The following HIP1 variants were observed in gnomAD, a reference collection of about 807,000 sequenced individuals.
HIP1 encodes huntingtin interacting protein 1.
A neutral mutation model predicts 147.6 loss-of-function variants in HIP1; 65 were observed. The ratio of observed to expected loss-of-function variants is 0.44; its 90% CI spans 0.36 to 0.54. HIP1 has a LOEUF of 0.54. Ranked by LOEUF, HIP1 falls within the 20% of genes least tolerant of loss-of-function variation. The probability of loss-of-function intolerance (pLI) is 0.00; values close to 1 mark genes in which losing one functional copy is unlikely to be tolerated. For missense variants in HIP1, 1,061 were observed against 1,299.6 expected (o/e 0.82, Z 2.82); for synonymous variants, 479 against 504.0 (o/e 0.95, Z 0.67).
chr7:75,719,950 G>T (rs4588797), intron 1 of HIP1, among the ~76,000 whole-genome samples: 45,580 of 151,830 alleles, frequency 0.3, 7,160 homozygotes, highest in East Asian at 0.47. Context: ...GAGTTATTTT[G>T]CCTTTTCTAA....
intron 23 of HIP1, 44 bp downstream of exon 23, chr7:75,548,847 G>T: frequency 7.3e-7 from 1 of 1,360,822 alleles, no homozygotes; most frequent in Non-Finnish European, 1.1e-6. Flanking sequence ...CAGAAGGGCA[G>T]CTGCAAAGGC....
chr7:75,572,885 G>A lies in HIP1; in HGVS notation c.745+876C>T, dbSNP rs146418466. 6.6e-5 allele frequency among the ~76,000 whole-genome samples: 10 copies of A among 152,282 alleles called. No individual in the cohort carries two copies. In the East Asian group the frequency reaches 1.9e-3, roughly 29 times the overall value. On this transcript the variant is annotated intron_variant, in intron 8 of 30. Transcript: ENST00000336926. ...GACTCAGGCATCCCTGTACTCTTCA[G>A]GGCCTGAGAAGGCTCTCCCTCCCCT...
intron 1 of HIP1, among the ~76,000 whole-genome samples, chr7:75,622,078 C>T (rs183416388): frequency 1.7e-4 from 26 of 151,702 alleles, no homozygotes; most frequent in Non-Finnish European, 2.8e-4. Context: ...GAGGCCAGTT[C>T]GAGACCAGCC....
chr7:75,597,759 T>TAAAAAACA (rs1554502231), intron 2 of HIP1, among the ~76,000 whole-genome samples: 1 of 44,120 alleles, frequency 2.3e-5, no homozygotes, highest in Non-Finnish European at 4.5e-5. Flanking sequence ...AAAAAAAAAG[T>TAAAAAACA]CCCAACTCTG....
At chr7:75,579,719 C>G (rs1401874397) in intron 7 of HIP1, among the ~76,000 whole-genome samples, 2 of 152,158 alleles carry the variant, frequency 1.3e-5, no homozygotes, top group African/African-American at 4.8e-5. Flanking sequence ...CAGTAGTAGG[C>G]ATTTCTGCAC....
At chr7:75,556,218 A>C (rs1554493303) in intron 17 of HIP1, 49 bp from the exon 18 acceptor site, 1 of 1,598,946 alleles carries the variant, frequency 6.3e-7, no homozygotes, top group Admixed American at 1.7e-5. Flanking sequence ...TGAGTTAAAC[A>C]GTCCCTACTT....
Position 75,556,055 on chromosome 7 carries a change from C to T in HIP1, c.1798G>A (p.Asp600Asn). The T allele has an allele frequency of 6.2e-7, 1 of 1,614,186 alleles. No homozygotes were observed. The highest frequency in any genetic ancestry group is 2.2e-5 in the East Asian group (1 of 44,878). ...ELSALRKELQ[D>N]TQLKLASTEE... ...GTGCTGGCCAGTTTGAGCTGAGTGT[C>T]CTGCAGTTCTTTCCGAAGAGCAGAT... Residue 600 changes from aspartate (D) to asparagine (N), a missense_variant, in exon 18 of 31, where the codon GAC becomes AAC. Physicochemically the swap from Asp to Asn is conservative, Grantham distance 23 (BLOSUM62 1). This residue lies in a region of HIP1 where 810 missense variants were observed against 946.8 expected (regional missense o/e 0.86). Coordinates refer to ENST00000336926, the MANE Select transcript of HIP1 (RefSeq NM_005338.7).
chr7:75,594,326 G>A (rs181517238), intron 2 of HIP1, among the ~76,000 whole-genome samples: 1 of 149,892 alleles, frequency 6.7e-6, no homozygotes, highest in Non-Finnish European at 1.5e-5. Context: ...CTGAACACCC[G>A]ACTTCTTCCA....
chr7:75,734,819 C>A (rs1172325510), intron 1 of HIP1, among the ~76,000 whole-genome samples: 35 of 152,300 alleles, frequency 2.3e-4, no homozygotes, highest in African/African-American at 8.4e-4. Context: ...ATGCCCCATC[C>A]CCTCCTCCAC....
intron 1 of HIP1, among the ~76,000 whole-genome samples, chr7:75,705,953 G>A (rs1270849322): frequency 6.6e-6 from 1 of 151,786 alleles, no homozygotes; most frequent in Non-Finnish European, 1.5e-5. Context: ...GTGCAGTGGC[G>A]CGATCTTGGC....
chr7:75,542,933 C>A lies in HIP1; in HGVS notation c.2808G>T (p.Gln936His). 6.2e-7 allele frequency: 1 copy of A among 1,614,084 alleles called. No individual in the cohort carries two copies. Among genetic ancestry groups the A allele is most frequent in the Non-Finnish European group, 8.5e-7 (1 of 1,179,994 alleles). ...CCTGGTTCACTCCCCGAGAGGCCTGCTGCAGCTGGGCTAGGTTGGGGCTGT... is the reference window on the plus strand; with the variant it reads ...CCTGGTTCACTCCCCGAGAGGCCTGATGCAGCTGGGCTAGGTTGGGGCTGT... The part of the protein sequence containing the change: ...DKDSPNLAQL[Q>H]QASRGVNQAT... Residue 936 changes from glutamine (Q) to histidine (H), a missense_variant, in exon 28 of 31, where the codon CAG becomes CAT. Physicochemically the swap from Gln to His is conservative, Grantham distance 24. Around this residue, in one of 3 missense-constraint regions of HIP1, gnomAD observed 810 missense variants for 946.8 expected, o/e 0.86. Transcript: ENST00000336926.
intron 22 of HIP1, among the ~76,000 whole-genome samples, chr7:75,551,571 G>A (rs1325913301): frequency 2.6e-5 from 4 of 151,778 alleles, no homozygotes; most frequent in Non-Finnish European, 5.9e-5. Context: ...ACCCAGGCTG[G>A]AGTACAGTGG....
At chr7:75,651,460 CAAAAAAAA>C (rs1168846001) in intron 1 of HIP1, among the ~76,000 whole-genome samples, 10,288 of 44,104 alleles carry the variant, frequency 0.23, 832 homozygotes, top group African/African-American at 0.31. Flanking sequence ...CTCCATATCT[CAAAAAAAA>C]AAAAAAAAAA....
intron 1 of HIP1, among the ~76,000 whole-genome samples, chr7:75,737,316 C>A (rs2079205): frequency 0.42 from 63,725 of 151,742 alleles, 13,804 homozygotes; most frequent in African/African-American, 0.52. Context: ...GGGATGAAGT[C>A]CTCTGGGGGT....
At position 75,563,225 on chromosome 7, in the gene HIP1, T is replaced by A; in HGVS notation, c.842A>T (p.Tyr281Phe). The A allele has an allele frequency of 6.2e-7, 1 of 1,614,228 alleles. No homozygotes were observed. Among genetic ancestry groups the A allele is most frequent in the Admixed American group, 1.7e-5 (1 of 60,026 alleles). Residue 281 changes from tyrosine (Y) to phenylalanine (F), a missense_variant, in exon 10 of 31, where the codon TAC becomes TTC. Around this residue, in one of 3 missense-constraint regions of HIP1, gnomAD observed 810 missense variants for 946.8 expected, o/e 0.86. Transcript: ENST00000336926. ...DLFYRSSNLQ[Y>F]FKRLIQIPQL... ...GGGGATCTGAATGAGCCGCTTGAAG[T>A]ACTGCAGGTTGCTGGAGCGGTAGAA...
intron 2 of HIP1, among the ~76,000 whole-genome samples, chr7:75,595,126 A>AG (rs1393189380): frequency 9.9e-5 from 15 of 152,078 alleles, no homozygotes; most frequent in African/African-American, 3.6e-4. Context: ...TCATTTAGAG[A>AG]GGGGTGGGCT....
intron 23 of HIP1, 25 bp downstream of exon 23, chr7:75,548,866 A>G: frequency 6.6e-7 from 1 of 1,525,246 alleles, no homozygotes; most frequent in Non-Finnish European, 9.1e-7. Flanking sequence ...GCATCGTTTC[A>G]GGAGATCCTG....
intron 7 of HIP1, among the ~76,000 whole-genome samples, chr7:75,577,093 A>G (rs1795870059): frequency 6.6e-6 from 1 of 152,058 alleles, no homozygotes; most frequent in Non-Finnish European, 1.5e-5. Context: ...ACACTTTGGG[A>G]GGCTGAGGTG....
intron 1 of HIP1, among the ~76,000 whole-genome samples, chr7:75,668,741 C>T (rs1389231398): frequency 6.6e-6 from 1 of 152,230 alleles, no homozygotes; most frequent in Non-Finnish European, 1.5e-5. Context: ...CCAGTTTTCA[C>T]TCTTGGACAC....
Sources: allele counts gnomAD v4.1 joint callset (sites outside exome capture counted in the v4.1 genomes callset), GRCh38; gene constraint gnomAD v4.1.1; regional missense constraint gnomAD v4.1.1; transcripts MANE v1.5; gene names NCBI Gene and HGNC (gene_info 2026-07-23, HGNC 2026-07-21).